ST3GAL3: variants seen among roughly 807,000 people sequenced by gnomAD.
ST3GAL3 encodes the protein ST3 beta-galactoside alpha-2,3-sialyltransferase 3, also known as CMP-N-acetylneuraminate-beta-1,4-galactoside alpha-2,3-sialyltransferase.
In ST3GAL3, 21 loss-of-function variants were observed where a neutral mutation model predicts 50.1. The observed-to-expected ratio is 0.42, with a 90% confidence interval of 0.30 to 0.60. The LOEUF (loss-of-function observed/expected upper bound fraction) is 0.60, where lower values mean the gene tolerates loss of function less well. ST3GAL3 is among the 20% of genes least tolerant of loss of function. The pLI, the probability that ST3GAL3 is intolerant of heterozygous loss-of-function variation, is 0.19. For missense variants in ST3GAL3, 353 were observed against 489.4 expected (o/e 0.72, Z 2.63); for synonymous variants, 183 against 190.0 (o/e 0.96, Z 0.30).
intron 2 of ST3GAL3, chr1:43,743,345 C>G: frequency 5.2e-6 from 1 of 193,780 alleles, no homozygotes. Context: ...TAAGGAGAGG[C>G]TGCTGCTGGT....
At chr1:43,903,633 T>TA (rs2154275711) in intron 9 of ST3GAL3, among the ~76,000 whole-genome samples, 2 of 152,250 alleles carry the variant, frequency 1.3e-5, no homozygotes, top group African/African-American at 4.8e-5. Context: ...ACACAGCACT[T>TA]ACCCTCCAGC....
chr1:43,855,959 A>C (rs910007585), intron 5 of ST3GAL3, among the ~76,000 whole-genome samples: 6 of 152,222 alleles, frequency 3.9e-5, no homozygotes, highest in African/African-American at 1.4e-4. Flanking sequence ...CAAACTGTTC[A>C]TAAAGAAATA....
At chr1:43,882,625 T>A (rs1041396088) in intron 5 of ST3GAL3, among the ~76,000 whole-genome samples, 1 of 152,218 alleles carries the variant, frequency 6.6e-6, no homozygotes, top group Non-Finnish European at 1.5e-5. Context: ...ACATTGTTTT[T>A]CTTAAAGGGC....
At chr1:43,808,303 C>CA (rs35302476) in intron 3 of ST3GAL3, among the ~76,000 whole-genome samples, 1,886 of 108,160 alleles carry the variant, frequency 0.017, 42 homozygotes, top group African/African-American at 0.054. Context: ...GACTCCATCT[C>CA]AAAAAAAAAA....
intron 5 of ST3GAL3, among the ~76,000 whole-genome samples, chr1:43,849,095 T>G (rs1261389379): frequency 6.6e-6 from 1 of 152,222 alleles, no homozygotes; most frequent in African/African-American, 2.4e-5. Flanking sequence ...ATAGCAGTTT[T>G]GGGATTTATG....
chr1:43,732,818 A>G (rs1194012094), intron 1 of ST3GAL3, among the ~76,000 whole-genome samples: 1 of 152,192 alleles, frequency 6.6e-6, no homozygotes, highest in Admixed American at 6.5e-5. Flanking sequence ...AGTCATAGGA[A>G]TAGAAAGACT....
rs1275032860 is a variant in ST3GAL3, at chr1:43,930,220, G to A, written c.1127G>A (p.Ter376=). ...ATCACTGATCTAAGCAGTGGCATCT[G>A]AGTGGGCCCAGCACATGGCCATAGA... The part of the protein sequence containing the change: ...RVITDLSSGI[*] Residue 376 remains the stop codon, a stop_retained_variant, in exon 12 of 12, where the codon TGA becomes TAA. Coordinates refer to ENST00000347631, the MANE Select transcript of ST3GAL3 (RefSeq NM_006279.5). 2 of 1,613,278 alleles carry A rather than the reference G, an allele frequency of 1.2e-6. No homozygotes were observed. The highest frequency in any genetic ancestry group is 1.7e-6 in the Non-Finnish European group (2 of 1,180,008).
chr1:43,804,625 C>T (rs1163152366), intron 3 of ST3GAL3, among the ~76,000 whole-genome samples: 1 of 152,040 alleles, frequency 6.6e-6, no homozygotes, highest in African/African-American at 2.4e-5. Context: ...TAAAAGGGAA[C>T]CCCAAAGCAA....
intron 5 of ST3GAL3, chr1:43,840,722 C>T (rs1385211843): frequency 6.6e-6 from 1 of 152,140 alleles, no homozygotes; most frequent in African/African-American, 2.4e-5. Context: ...CTTTTGTACT[C>T]CGTCCCTTTA....
chr1:43,899,719 G>C lies in ST3GAL3; in HGVS notation c.736G>C (p.Glu246Gln). 1.2e-6 allele frequency: 2 copies of C among 1,613,978 alleles called. No individual in the cohort carries two copies. Among genetic ancestry groups the C allele is most frequent in the Non-Finnish European group, 1.7e-6 (2 of 1,180,018 alleles). ...GTGGTTGAAATACATCGTCTACAAG[G>C]AGAGAGTGGTAAGCTCTCCTGGCAC... ...FKWLKYIVYK[E>Q]RVSASDGFWK... Residue 246 changes from glutamate (E) to glutamine (Q), a missense_variant, in exon 9 of 12, where the codon GAG becomes CAG. Coordinates refer to ENST00000347631, the MANE Select transcript of ST3GAL3 (RefSeq NM_006279.5). The surrounding 1 kb of genome is among the most constrained non-coding windows in gnomAD (Gnocchi z 5.4).
At chr1:43,788,081 A>C (rs917519168) in intron 2 of ST3GAL3, among the ~76,000 whole-genome samples, 5 of 152,240 alleles carry the variant, frequency 3.3e-5, no homozygotes, top group Non-Finnish European at 7.3e-5. Flanking sequence ...TTGTCCCCTC[A>C]AACAATGCAA....
chr1:43,722,395 A>C (rs1670918504), intron 1 of ST3GAL3, among the ~76,000 whole-genome samples: 1 of 152,200 alleles, frequency 6.6e-6, no homozygotes, highest in Admixed American at 6.5e-5. Context: ...AGAGGTGGGA[A>C]GGGGCCAGAT....
Position 43,899,484 on chromosome 1 carries a change from G to A in ST3GAL3, c.558-57G>A, listed in dbSNP as rs752417515. 16 of 1,604,616 alleles carry A rather than the reference G, an allele frequency of 1.0e-5. No individual in the cohort carries two copies. Among genetic ancestry groups the A allele is most frequent in the Non-Finnish European group, 1.4e-5 (16 of 1,178,228 alleles). On this transcript the variant is annotated intron_variant, in intron 8 of 11. Coordinates refer to ENST00000347631, the MANE Select transcript of ST3GAL3 (RefSeq NM_006279.5). This position sits in a 1 kb window ranked among gnomAD's most constrained non-coding sequence, Gnocchi z 5.4. ...ATTCTCCATGCCTGGGATAGTCTGG[G>A]GTCATGGTGCCTTCCCAAACACAGG...
At chr1:43,879,295 G>A in intron 5 of ST3GAL3, 1 of 456,220 alleles carries the variant, frequency 2.2e-6, no homozygotes, top group South Asian at 1.5e-5. Flanking sequence ...CGTGAGCATT[G>A]GGCCCTTTAA....
At chr1:43,865,501 G>A (rs1192986492) in intron 5 of ST3GAL3, among the ~76,000 whole-genome samples, 6 of 151,996 alleles carry the variant, frequency 3.9e-5, no homozygotes, top group African/African-American at 1.2e-4. Context: ...AATTTTATAA[G>A]CATTTCCATA....
chr1:43,915,742 T>C (rs1236883520), intron 9 of ST3GAL3, among the ~76,000 whole-genome samples: 1 of 152,138 alleles, frequency 6.6e-6, no homozygotes, highest in Admixed American at 6.5e-5. Flanking sequence ...GAGAGACAGA[T>C]GGGTTACTGG....
intron 4 of ST3GAL3, 63 bp downstream of exon 4, chr1:43,814,996 CTTTGA>C: frequency 6.6e-7 from 1 of 1,512,326 alleles, no homozygotes; most frequent in Non-Finnish European, 9.2e-7. Context: ...CTGGGTCTCA[CTTTGA>C]AGGGTCAGCT....
chr1:43,776,894 C>T (rs1697458423), intron 2 of ST3GAL3, among the ~76,000 whole-genome samples: 1 of 151,590 alleles, frequency 6.6e-6, no homozygotes, highest in African/African-American at 2.4e-5. Context: ...TGTTGAGCAC[C>T]TTTCATTTTT....
intron 5 of ST3GAL3, among the ~76,000 whole-genome samples, chr1:43,861,363 G>A (rs2069881471): frequency 6.6e-6 from 1 of 152,082 alleles, no homozygotes; most frequent in South Asian, 2.1e-4. Flanking sequence ...GGTGGTAAGT[G>A]TGGTTCTGTC....
Sources: gnomAD v4.1 joint callset for allele counts (sites outside exome capture counted in the v4.1 genomes callset) on GRCh38, gnomAD v4.1.1 for gene constraint, Gnocchi (gnomAD v3.1) non-coding constraint, MANE v1.5 for transcripts, NCBI Gene and HGNC (gene_info 2026-07-23, HGNC 2026-07-21) for gene names.